ANKFN1: variants seen among roughly 807,000 people sequenced by gnomAD.
The protein encoded by ANKFN1 is ankyrin repeat and fibronectin type-III domain-containing protein 1.
Under a neutral mutation model 108.7 loss-of-function variants are expected in ANKFN1, and 74 were observed. The ratio of observed to expected loss-of-function variants is 0.68; its 90% confidence interval spans 0.56 to 0.83. The LOEUF is 0.83. Ranked by LOEUF, ANKFN1 falls within the 40% of genes least tolerant of loss-of-function variation. The pLI, the probability that ANKFN1 is intolerant of heterozygous loss-of-function variation, is 0.00. For synonymous variants in ANKFN1, 547 were observed against 516.2 expected (o/e 1.06, Z -0.81); for missense variants, 1,505 against 1,382.3 (o/e 1.09, Z -1.41).
intron 7 of ANKFN1, 114 bp downstream of exon 7, chr17:56,372,954 T>A: frequency 9.3e-7 from 1 of 1,079,234 alleles, no homozygotes; most frequent in Admixed American, 2.7e-5. Context: ...GGATGGCCGT[T>A]GTCAGCCTGT....
chr17:56,258,999 A>G (rs1351526383), intron 3 of ANKFN1, among the ~76,000 whole-genome samples: 2 of 152,212 alleles, frequency 1.3e-5, no homozygotes, highest in African/African-American at 4.8e-5. Flanking sequence ...TTTCCAAAGT[A>G]TTAGAGATAT....
At position 56,430,951 on chromosome 17, in the gene ANKFN1, G is replaced by A. The variant is rs138018146; in HGVS notation, c.911-9376G>A. Among the ~76,000 whole-genome samples the A allele has an allele frequency of 5.3e-3, 802 of 152,262 alleles. 5 individuals carry two copies. The highest frequency in any genetic ancestry group is 0.017 in the Middle Eastern group (5 of 294). On this transcript the variant is annotated intron_variant, in intron 8 of 20. Coordinates refer to ENST00000682825, the MANE Select transcript of ANKFN1 (RefSeq NM_001370326.1). ...ATTTACATTGATGGCTGAAGGAAAA[G>A]GAAGAAATAAATAACGAAATAGAAG... is the stretch of plus-strand genomic sequence containing the variant.
intron 3 of ANKFN1, among the ~76,000 whole-genome samples, chr17:56,273,243 C>G (rs911894620): frequency 6.6e-6 from 1 of 151,988 alleles, no homozygotes; most frequent in African/African-American, 2.4e-5. Flanking sequence ...ATAGTGTGTT[C>G]ATTTTCATTG....
At chr17:56,489,536 C>T (rs974695631) in intron 18 of ANKFN1, among the ~76,000 whole-genome samples, 1 of 151,516 alleles carries the variant, frequency 6.6e-6, no homozygotes, top group African/African-American at 2.4e-5. Context: ...TGGTGCATGG[C>T]ATGGACAGTG....
intron 4 of ANKFN1, among the ~76,000 whole-genome samples, chr17:56,083,694 C>T (rs1263768506): frequency 3.3e-5 from 5 of 151,152 alleles, no homozygotes; most frequent in Non-Finnish European, 4.4e-5. Context: ...CAGCAGAAAC[C>T]GGCATCCAAC....
Position 56,511,208 on chromosome 17 carries a change from A to G in ANKFN1, c.3380A>G (p.Asp1127Gly). The G allele has an allele frequency of 6.5e-7, 1 of 1,535,182 alleles. No individual in the cohort carries two copies. Among genetic ancestry groups the G allele is most frequent in the Non-Finnish European group, 8.7e-7 (1 of 1,146,378 alleles). Residue 1127 changes from aspartate (D) to glycine (G), a missense_variant, in exon 21 of 21, where the codon GAT (aspartate) becomes GGT (glycine). Asp to Gly is a moderately conservative substitution (Grantham distance 94). Transcript: ENST00000682825. ...ACCCTGCCCAGCCCCACTGGCCCCG[A>G]TGTGAGTCAGGAGGGCCCCACCGCC... is the stretch of plus-strand genomic sequence containing the variant. ...RITLPSPTGP[D>G]VSQEGPTASP...
chr17:56,270,930 A>C (rs1001670417), intron 3 of ANKFN1, among the ~76,000 whole-genome samples: 2 of 152,182 alleles, frequency 1.3e-5, no homozygotes, highest in Non-Finnish European at 2.9e-5. Context: ...CTTGCTCTTT[A>C]ATGTTTAATT....
chr17:56,325,798 G>T (rs1249408406), intron 3 of ANKFN1, among the ~76,000 whole-genome samples: 1 of 152,212 alleles, frequency 6.6e-6, no homozygotes, highest in Non-Finnish European at 1.5e-5. Flanking sequence ...TAGATCATTT[G>T]CACTCACAGA....
chr17:56,411,629 G>T (rs1459428161), intron 8 of ANKFN1, among the ~76,000 whole-genome samples: 1 of 152,148 alleles, frequency 6.6e-6, no homozygotes, highest in East Asian at 1.9e-4. Flanking sequence ...TCGGCTTGTT[G>T]TGTATGGTCT....
At position 56,511,280 on chromosome 17, in the gene ANKFN1, C is replaced by T. The variant is rs1356701364; in HGVS notation, c.*11C>T. ...AGCAGCATGCTTTAGGGAGGCCCAT[C>T]CCGGCTGTCCACCCCTCCATGGCTG... is the stretch of plus-strand genomic sequence containing the variant. On this transcript the variant is annotated 3_prime_UTR_variant, in exon 21 of 21. Coordinates refer to ENST00000682825, the MANE Select transcript of ANKFN1 (RefSeq NM_001370326.1). 1.3e-6 allele frequency: 2 copies of T among 1,502,086 alleles called. No homozygotes were observed. Among genetic ancestry groups the T allele is most frequent in the Non-Finnish European group, 1.8e-6 (2 of 1,126,646 alleles). The allele number at this position is 1,502,086 out of a possible 1,614,324, so 93.0% of individuals were successfully genotyped here. A position where few individuals can be genotyped will look rare whatever the true frequency, so the allele number is the denominator to read the frequency against.
At chr17:56,286,511 C>T (rs2044220818) in intron 3 of ANKFN1, among the ~76,000 whole-genome samples, 1 of 152,130 alleles carries the variant, frequency 6.6e-6, no homozygotes, top group Admixed American at 6.5e-5. Flanking sequence ...GAGGTTGATG[C>T]TGGCTGTCAG....
At chr17:56,245,516 C>T (rs1333098198) in intron 3 of ANKFN1, among the ~76,000 whole-genome samples, 1 of 152,096 alleles carries the variant, frequency 6.6e-6, no homozygotes, top group Non-Finnish European at 1.5e-5. Context: ...TTTTACCTTA[C>T]ATGCTAACTT....
intron 4 of ANKFN1, among the ~76,000 whole-genome samples, chr17:56,338,778 A>G (rs2045884867): frequency 6.6e-6 from 1 of 152,088 alleles, no homozygotes; most frequent in African/African-American, 2.4e-5. Context: ...ATTCAAACAG[A>G]AGAACAGAGG....
chr17:56,230,231 G>C (rs760584989), intron 3 of ANKFN1, among the ~76,000 whole-genome samples: 1 of 152,060 alleles, frequency 6.6e-6, no homozygotes, highest in Admixed American at 6.6e-5. Flanking sequence ...AAGGCTGGGC[G>C]ATGGAAGGAA....
chr17:56,453,526 C>T (rs1325998330), intron 11 of ANKFN1, among the ~76,000 whole-genome samples: 1 of 152,136 alleles, frequency 6.6e-6, no homozygotes, highest in Non-Finnish European at 1.5e-5. Context: ...AGTCCTCTGT[C>T]CTGCTCCAGT....
At chr17:56,418,361 C>G (rs892431939) in intron 8 of ANKFN1, among the ~76,000 whole-genome samples, 1 of 152,032 alleles carries the variant, frequency 6.6e-6, no homozygotes, top group Admixed American at 6.6e-5. Context: ...ATCAAAACCC[C>G]GTAACAGTTT....
intron 8 of ANKFN1, among the ~76,000 whole-genome samples, chr17:56,411,653 G>A (rs1241429076): frequency 1.3e-5 from 2 of 152,066 alleles, no homozygotes; most frequent in African/African-American, 4.8e-5. Flanking sequence ...TTGTATTGAG[G>A]CAGCTTTCTT....
chr17:56,049,831 G>A (rs1209113974), intron 4 of ANKFN1, among the ~76,000 whole-genome samples: 1 of 149,438 alleles, frequency 6.7e-6, no homozygotes, highest in East Asian at 2.0e-4. Context: ...TTGCTATTGT[G>A]AATAATGCCG....
intron 3 of ANKFN1, among the ~76,000 whole-genome samples, chr17:56,306,437 A>G (rs1278787872): frequency 6.6e-6 from 1 of 152,194 alleles, no homozygotes; most frequent in Non-Finnish European, 1.5e-5. Context: ...CCAATAACAG[A>G]CAAACAGAGA....
Sources: gnomAD v4.1 joint callset for allele counts (sites outside exome capture counted in the v4.1 genomes callset) on GRCh38, gnomAD v4.1.1 for gene constraint, MANE v1.5 for transcripts, NCBI Gene and HGNC (gene_info 2026-07-23, HGNC 2026-07-21) for gene names.